DCHS2: variants seen among roughly 807,000 people sequenced by gnomAD.
DCHS2 encodes dachsous cadherin-related 2.
A neutral mutation model predicts 182.4 loss-of-function variants in DCHS2; 142 were observed. That is an observed-to-expected ratio of 0.78 (90% confidence interval 0.68 to 0.89). The LOEUF (loss-of-function observed/expected upper bound fraction) is 0.89, where lower values mean the gene tolerates loss of function less well. Ranked by LOEUF, DCHS2 falls within the 40% of genes least tolerant of loss-of-function variation. DCHS2 has a pLI of 0.00. For missense variants in DCHS2, 4,319 were observed against 4,198.6 expected (o/e 1.03, Z -0.79); for synonymous variants, 1,740 against 1,663.3 (o/e 1.05, Z -1.12).
At chr4:154,463,737 T>A (rs899414049) in intron 1 of DCHS2, among the ~76,000 whole-genome samples, 1 of 151,620 alleles carries the variant, frequency 6.6e-6, no homozygotes, top group Non-Finnish European at 1.5e-5. Flanking sequence ...TGTCTCTCTC[T>A]CCCTCCTTCT....
At chr4:154,322,716 C>T (rs954706120) in intron 7 of DCHS2, 17 of 466,088 alleles carry the variant, frequency 3.6e-5, no homozygotes, top group East Asian at 3.6e-4. Context: ...TAAACTTTCA[C>T]GAGTCCATCA....
At position 154,235,240 on chromosome 4, in the gene DCHS2, C is replaced by G; in HGVS notation, c.9412G>C (p.Asp3138His). The G allele has an allele frequency of 6.2e-7, 1 of 1,614,030 alleles. No homozygotes were observed. The highest frequency in any genetic ancestry group is 8.5e-7 in the Non-Finnish European group (1 of 1,179,968). Reference sequence around the variant, plus strand: ...GATAGGCAGGAGAGCTGGTCTGAGTCCCTCGGGATACCCGAGTCTGGCACC... The same window carrying G: ...GATAGGCAGGAGAGCTGGTCTGAGTGCCTCGGGATACCCGAGTCTGGCACC... Reference protein sequence around the residue: ...SRVPDSGIPRDSDQLSCLSGE... With the variant: ...SRVPDSGIPRHSDQLSCLSGE... Residue 3138 changes from aspartate (D) to histidine (H), a missense_variant, in exon 20 of 20, where the codon GAC (aspartate) becomes CAC (histidine). Coordinates refer to ENST00000357232, the MANE Select transcript of DCHS2 (RefSeq NM_001358235.2).
In DCHS2 at chr4:154,307,802, C is replaced by G. The variant is rs182467155; in HGVS notation, c.5261-2571G>C. On this transcript the variant is annotated intron_variant, in intron 10 of 19. Coordinates refer to ENST00000357232, the MANE Select transcript of DCHS2 (RefSeq NM_001358235.2). ...CAGGTGTCCATAATCACCCCTCTTC[C>G]ATTCAGGTCTCCTACCCGACCACTA... Among the ~76,000 whole-genome samples, 420 of 152,256 alleles carry G rather than the reference C, an allele frequency of 2.8e-3. 3 individuals are homozygous for G. The highest frequency in any genetic ancestry group is 9.8e-3 in the African/African-American group (409 of 41,552).
chr4:154,249,033 A>T (rs1220567445), intron 16 of DCHS2, among the ~76,000 whole-genome samples: 1 of 152,188 alleles, frequency 6.6e-6, no homozygotes, highest in Non-Finnish European at 1.5e-5. Context: ...CTGGCAAGAA[A>T]TTTTTGGCTA....
In DCHS2 at chr4:154,232,271, T is replaced by C. The variant is rs1296443012; in HGVS notation, c.*2265A>G. The C allele has an allele frequency of 1.3e-5, 2 of 152,174 alleles. No homozygotes were observed. Among genetic ancestry groups the C allele is most frequent in the Non-Finnish European group, 2.9e-5 (2 of 68,016 alleles). 9.4% of individuals were successfully genotyped at this position (152,174 alleles called of 1,614,324 possible). On this transcript the variant is annotated 3_prime_UTR_variant, in exon 20 of 20. Transcript: ENST00000357232. ...GTTGAAAGAGCTGACATACGATTTA[T>C]TGCAAACACTTAACCAGCGTGTTCA...
At chr4:154,287,961 C>T (rs1263955191) in intron 13 of DCHS2, among the ~76,000 whole-genome samples, 1 of 151,996 alleles carries the variant, frequency 6.6e-6, no homozygotes, top group Admixed American at 6.6e-5. Flanking sequence ...AAATACACAA[C>T]CAGAGAAAAC....
Position 154,333,217 on chromosome 4 carries a change from G to T in DCHS2, c.2991C>A (p.Ala997=). Residue 997 remains alanine (A), a synonymous_variant, in exon 5 of 20, where the codon GCC becomes GCA. Transcript: ENST00000357232. ...RISQTTPPGT[A]LYLARAEDRD... ...TGTCTTCCGCACGTGCGAGGTACAA[G>T]GCTGTGCCAGGGGGCGTGGTCTGGG... 6.2e-7 allele frequency: 1 copy of T among 1,614,246 alleles called. No homozygotes were observed. Among genetic ancestry groups the T allele is most frequent in the Non-Finnish European group, 8.5e-7 (1 of 1,180,048 alleles).
At chr4:154,468,145 G>A (rs188469430) in intron 1 of DCHS2, among the ~76,000 whole-genome samples, 11 of 152,098 alleles carry the variant, frequency 7.2e-5, no homozygotes, top group Admixed American at 1.3e-4. Flanking sequence ...TTCTCCAGCC[G>A]GACATTCTTA....
intron 9 of DCHS2, among the ~76,000 whole-genome samples, chr4:154,319,567 GA>G (rs1398120595): frequency 1.4e-5 from 2 of 146,332 alleles, no homozygotes; most frequent in Non-Finnish European, 3.0e-5. Context: ...ACAGGTATAT[GA>G]AAAAATGCTC....
chr4:154,431,818 A>G (rs1282270264), intron 1 of DCHS2, among the ~76,000 whole-genome samples: 1 of 152,002 alleles, frequency 6.6e-6, no homozygotes, highest in Non-Finnish European at 1.5e-5. Flanking sequence ...ATTCTTAGCC[A>G]TCACTTTCTG....
rs78952087 is a variant in DCHS2, at chr4:154,443,248, A to G, written c.2052+46056T>C. ...TCTCTAGACCAATACGGCTAAACAA[A>G]AAAACAGTTACACTGGCTCATCTCC... is the stretch of plus-strand genomic sequence containing the variant. On this transcript the variant is annotated intron_variant, in intron 1 of 19. Transcript: ENST00000357232. Among the ~76,000 whole-genome samples the G allele has an allele frequency of 3.8e-3, 577 of 152,318 alleles. 6 individuals carry two copies. Among genetic ancestry groups the G allele is most frequent in the African/African-American group, 0.013 (548 of 41,572 alleles).
intron 16 of DCHS2, among the ~76,000 whole-genome samples, chr4:154,249,967 A>G (rs1387214732): frequency 2.0e-5 from 3 of 152,164 alleles, no homozygotes; most frequent in African/African-American, 7.2e-5. Flanking sequence ...CAACACACCT[A>G]TGTAACAAAC....
chr4:154,267,722 T>A (rs962920905), intron 14 of DCHS2, among the ~76,000 whole-genome samples: 3 of 152,206 alleles, frequency 2.0e-5, no homozygotes, highest in African/African-American at 7.2e-5. Flanking sequence ...AGCCTAGCTT[T>A]ACGGCAATTA....
intron 1 of DCHS2, among the ~76,000 whole-genome samples, chr4:154,468,614 A>G (rs775512660): frequency 2.6e-5 from 4 of 152,168 alleles, no homozygotes; most frequent in Non-Finnish European, 5.9e-5. Flanking sequence ...ATAAGACAAG[A>G]TTAGTCCATT....
chr4:154,424,950 C>G (rs1376627195), intron 1 of DCHS2, among the ~76,000 whole-genome samples: 1 of 152,188 alleles, frequency 6.6e-6, no homozygotes, highest in African/African-American at 2.4e-5. Context: ...CACAATAATT[C>G]ACTTCTGGCA....
At chr4:154,282,486 TA>T (rs1396611422) in intron 13 of DCHS2, among the ~76,000 whole-genome samples, 1 of 151,498 alleles carries the variant, frequency 6.6e-6, no homozygotes, top group Non-Finnish European at 1.5e-5. Flanking sequence ...GGATGGCATT[TA>T]TTTTATATCA....
At chr4:154,325,804 C>A (rs1478749997) in intron 7 of DCHS2, among the ~76,000 whole-genome samples, 1 of 152,176 alleles carries the variant, frequency 6.6e-6, no homozygotes, top group African/African-American at 2.4e-5. Flanking sequence ...AAGAATTTGG[C>A]TCCCTGACCA....
chr4:154,435,126 A>G (rs1156502649), intron 1 of DCHS2, among the ~76,000 whole-genome samples: 1 of 152,208 alleles, frequency 6.6e-6, no homozygotes, highest in Non-Finnish European at 1.5e-5. Context: ...AACAATAGGG[A>G]AAACTAGATG....
intron 1 of DCHS2, among the ~76,000 whole-genome samples, chr4:154,447,310 A>C (rs1374940483): frequency 1.3e-5 from 2 of 152,032 alleles, no homozygotes; most frequent in African/African-American, 4.8e-5. Context: ...AAATGAATAA[A>C]AACTTAAAAA....
Sources: allele counts gnomAD v4.1 joint callset (sites outside exome capture counted in the v4.1 genomes callset), GRCh38; gene constraint gnomAD v4.1.1; transcripts MANE v1.5; gene names NCBI Gene and HGNC (gene_info 2026-07-23, HGNC 2026-07-21).